Variants in NUP205 observed in about 807,000 individuals in gnomAD.
NUP205 encodes nucleoporin 205, also known as nuclear pore complex protein Nup205.
Under a neutral mutation model 253.8 loss-of-function variants are expected in NUP205, and 76 were observed. The observed-to-expected ratio is 0.30, with a 90% CI of 0.25 to 0.36. NUP205 has a LOEUF of 0.36. NUP205 is among the 10% of genes least tolerant of loss of function. The pLI is 1.00. For missense variants in NUP205, 2,162 were observed against 2,425.5 expected (o/e 0.89, Z 2.28); for synonymous variants, 832 against 850.1 (o/e 0.98, Z 0.37).
Position 135,587,560 on chromosome 7 carries a change from T to A in NUP205, c.1219-15T>A. On this transcript the variant is annotated splice_polypyrimidine_tract_variant and intron_variant, in intron 8 of 42. Transcript: ENST00000285968. ...TACATTTACATATTAAAACTATATC[T>A]AATAAATTTAATAGGTGAAACAGCT... 1.3e-6 allele frequency: 2 copies of A among 1,482,592 alleles called. No homozygotes were observed. Among genetic ancestry groups the A allele is most frequent in the Non-Finnish European group, 1.8e-6 (2 of 1,082,126 alleles). The allele number at this position is 1,482,592 out of a possible 1,614,324, so 91.8% of individuals were successfully genotyped here.
rs147336077 is a variant in NUP205 at position 135,628,062 on chromosome 7, A to G, written c.4883A>G (p.Gln1628Arg). ...CTCCTCCCAGCTCTCCAGCTGTGCCAGGTCATCCTCACATCTAGTATGGCC... is the reference window on the plus strand; with the variant it reads ...CTCCTCCCAGCTCTCCAGCTGTGCCGGGTCATCCTCACATCTAGTATGGCC... ...QILLPALQLC[Q>R]VILTSSMAQH... is the part of the protein sequence containing the mutation. The change falls in exon 34 of 43, where the codon CAG becomes CGG. Residue 1628 changes from glutamine (Q) to arginine (R), a missense_variant. By Grantham distance (43) the Gln-to-Arg change is conservative. Coordinates refer to ENST00000285968, the MANE Select transcript of NUP205 (RefSeq NM_015135.3). 1.2e-3 allele frequency: 1,985 copies of G among 1,610,138 alleles called. 2 individuals carry two copies. Among genetic ancestry groups the G allele is most frequent in the Non-Finnish European group, 1.5e-3 (1,784 of 1,179,282 alleles).
chr7:135,590,617 C>T lies in NUP205; in HGVS notation c.1474-833C>T, dbSNP rs971547606. ...GCGCAATCTTGGCTCACTGCAACCTCTGCCTCCTGGGTTCAATTGATTCTC... is the reference window on the plus strand; with the variant it reads ...GCGCAATCTTGGCTCACTGCAACCTTTGCCTCCTGGGTTCAATTGATTCTC... On this transcript the variant is annotated intron_variant, in intron 10 of 42. Transcript: ENST00000285968. Among the ~76,000 whole-genome samples, 45 of 151,774 alleles carry T rather than the reference C, an allele frequency of 3.0e-4. 1 individual carries two copies. The highest frequency in any genetic ancestry group is 9.7e-4 in the African/African-American group (40 of 41,384).
In NUP205 at chr7:135,577,122, C is replaced by T; in HGVS notation, c.642C>T (p.Arg214=). 2 of 1,609,196 alleles carry T rather than the reference C, an allele frequency of 1.2e-6. No individual in the cohort carries two copies. Among genetic ancestry groups the T allele is most frequent in the Non-Finnish European group, 1.7e-6 (2 of 1,178,378 alleles). ...GAGGTTTGGGCAGTGAAAAACATCGCAAAGAGGCAAGGGTTCAATGAAATC... is the reference window on the plus strand; with the variant it reads ...GAGGTTTGGGCAGTGAAAAACATCGTAAAGAGGCAAGGGTTCAATGAAATC... ...RERGLGSEKH[R]KEVSDLIKEC... is the part of the protein sequence containing the mutation. Residue 214 remains arginine (R), a synonymous_variant, in exon 5 of 43, where the codon CGC becomes CGT. Coordinates refer to ENST00000285968, the MANE Select transcript of NUP205 (RefSeq NM_015135.3).
Position 135,589,262 on chromosome 7 carries a change from T to TG in NUP205, c.1473+1270_1473+1271insG, listed in dbSNP as rs564922455. Reference sequence around the variant, plus strand: ...CTTTTATGCAATGTGTGTGTGTGTGTTTTTTTTTTTCTGGACTCCAGATCA... The same window carrying TG: ...CTTTTATGCAATGTGTGTGTGTGTGTGTTTTTTTTTTCTGGACTCCAGATCA... On this transcript the variant is annotated intron_variant, in intron 10 of 42. Coordinates refer to ENST00000285968, the MANE Select transcript of NUP205 (RefSeq NM_015135.3). Among the ~76,000 whole-genome samples, 133 of 135,078 alleles carry TG rather than the reference T, an allele frequency of 9.8e-4. 8 individuals carry two copies. The South Asian group carries it at 0.026, about 26-fold the overall frequency. 88.6% of individuals were successfully genotyped at this position (135,078 alleles called of 152,430 possible).
In NUP205 at chr7:135,597,351, C is replaced by A; in HGVS notation, c.2014-17C>A. 6.3e-7 allele frequency: 1 copy of A among 1,595,660 alleles called. No individual in the cohort carries two copies. The highest frequency in any genetic ancestry group is 8.6e-7 in the Non-Finnish European group (1 of 1,163,672). On this transcript the variant is annotated splice_polypyrimidine_tract_variant and intron_variant, in intron 13 of 42. Coordinates refer to ENST00000285968, the MANE Select transcript of NUP205 (RefSeq NM_015135.3). Reference sequence around the variant, plus strand: ...GAATGAGGAATGCTCCTGACATCTACTTCTTACTATTTTAAGATACTGCAG... The same window carrying A: ...GAATGAGGAATGCTCCTGACATCTAATTCTTACTATTTTAAGATACTGCAG...
intron 7 of NUP205, among the ~76,000 whole-genome samples, chr7:135,583,844 C>CTTTTT (rs756603941): frequency 7.2e-6 from 1 of 138,960 alleles, no homozygotes; most frequent in Non-Finnish European, 1.6e-5. Context: ...TTCTTTCTTT[C>CTTTTT]TTTTTTTTTT....
chr7:135,642,291 C>T (rs887426425), intron 38 of NUP205, among the ~76,000 whole-genome samples: 6 of 151,244 alleles, frequency 4.0e-5, no homozygotes, highest in African/African-American at 7.3e-5. Context: ...AATGTTTCCA[C>T]GAAATCCCTT....
rs1315965852 is a variant in NUP205, at chr7:135,587,702, A to G, written c.1335+11A>G. On this transcript the variant is annotated intron_variant, in intron 9 of 42. Coordinates refer to ENST00000285968, the MANE Select transcript of NUP205 (RefSeq NM_015135.3). ...CACTTAATGCTTTTGGTAAGCCATTATATTAGAAAGCTTGTCCTCTTTCCC... is the reference window on the plus strand; with the variant it reads ...CACTTAATGCTTTTGGTAAGCCATTGTATTAGAAAGCTTGTCCTCTTTCCC... The G allele has an allele frequency of 6.4e-6, 10 of 1,570,648 alleles. No homozygotes were observed. The highest frequency in any genetic ancestry group is 1.4e-5 in the African/African-American group (1 of 73,188).
Position 135,618,558 on chromosome 7 carries a change from T to A in NUP205, c.3918T>A (p.Asp1306Glu). ...CCCAGGACCTCATTCAGGCAGAGGATCGACAACTGATTATTCGTGATATTT... is the reference window on the plus strand; with the variant it reads ...CCCAGGACCTCATTCAGGCAGAGGAACGACAACTGATTATTCGTGATATTT... ...ACPQDLIQAE[D>E]RQLIIRDILQ... The change falls in exon 28 of 43, where the codon GAT (aspartate) becomes GAA (glutamate). Residue 1306 changes from aspartate to glutamate, a missense_variant. Coordinates refer to ENST00000285968, the MANE Select transcript of NUP205 (RefSeq NM_015135.3). The A allele has an allele frequency of 1.2e-6, 2 of 1,612,094 alleles. No homozygotes were observed. Among genetic ancestry groups the A allele is most frequent in the Non-Finnish European group, 1.7e-6 (2 of 1,179,130 alleles).
chr7:135,558,414 C>T (rs1805492078), intron 1 of NUP205, among the ~76,000 whole-genome samples: 2 of 152,172 alleles, frequency 1.3e-5, no homozygotes, highest in East Asian at 1.9e-4. Context: ...ATCTTGCAGG[C>T]AGCGAATACT....
rs200877063 is a variant in NUP205 at position 135,645,628 on chromosome 7, A to G, written c.5812+32A>G. 54 of 1,599,490 alleles carry G rather than the reference A, an allele frequency of 3.4e-5. No homozygotes were observed. In the East Asian group the frequency reaches 8.5e-4, roughly 25 times the overall value. ...TTTCTGCTAAAAATTAATGAACCAT[A>G]AATACCTATTTGTGCCTTGAAAAGC... is the stretch of plus-strand genomic sequence containing the variant. On this transcript the variant is annotated intron_variant, in intron 41 of 42. Transcript: ENST00000285968.
chr7:135,592,257 A>T (rs952869425), intron 11 of NUP205, among the ~76,000 whole-genome samples: 2 of 152,178 alleles, frequency 1.3e-5, no homozygotes, highest in Admixed American at 1.3e-4. Context: ...GATGCTTGGT[A>T]TGCAATGGAG....
intron 19 of NUP205, among the ~76,000 whole-genome samples, chr7:135,604,943 G>T (rs1337839474): frequency 1.3e-5 from 2 of 151,246 alleles, no homozygotes; most frequent in African/African-American, 4.9e-5. Context: ...AGTTATAATA[G>T]TTCTGTTCAC....
In NUP205 at chr7:135,648,425, G is replaced by A. The variant is rs145569015; in HGVS notation, c.5908G>A (p.Ala1970Thr). The A allele has an allele frequency of 4.2e-4, 666 of 1,592,654 alleles. No homozygotes were observed. The highest frequency in any genetic ancestry group is 3.1e-3 in the African/African-American group (231 of 73,382). ...CTAGCTTCAGGCTGATGCAATCAAC[G>A]CTTTTGGAGAATCACTACAAAAGAA... is the stretch of plus-strand genomic sequence containing the variant. ...LDQLQADAINAFGESLQKKLL... is the reference protein window; with the variant it reads ...LDQLQADAINTFGESLQKKLL... The change falls in exon 43 of 43, where the codon GCT becomes ACT. Residue 1970 changes from alanine (A) to threonine (T), a missense_variant. Around this residue, in one of 5 missense-constraint regions of NUP205, gnomAD observed 1,144 missense variants for 1,280.9 expected, o/e 0.89. Transcript: ENST00000285968.
rs1393574690 is a variant in NUP205 at position 135,619,465 on chromosome 7, G to A, written c.4006G>A (p.Ala1336Thr). Residue 1336 changes from alanine (A) to threonine (T), a missense_variant, in exon 29 of 43, where the codon GCC becomes ACC. Physicochemically the swap from Ala to Thr is moderately conservative, Grantham distance 58. Transcript: ENST00000285968. ...EAAQELMPVVAGAVFTLTAHL... is the reference protein window; with the variant it reads ...EAAQELMPVVTGAVFTLTAHL... ...TGCGCAAGAGTTAATGCCTGTGGTC[G>A]CCGGGGCAGTGTTCACACTGACTGC... 3.7e-6 allele frequency: 6 copies of A among 1,613,248 alleles called. No individual in the cohort carries two copies. The Admixed American group carries it at 5.0e-5, about 13-fold the overall frequency.
intron 6 of NUP205, among the ~76,000 whole-genome samples, chr7:135,578,253 ATATAT>A: frequency 6.6e-6 from 1 of 152,344 alleles, no homozygotes; most frequent in East Asian, 1.9e-4. Flanking sequence ...GTATTAAAGC[ATATAT>A]TATACATGTT....
chr7:135,567,137 T>C (rs1805794285), intron 1 of NUP205, among the ~76,000 whole-genome samples: 6 of 26,778 alleles, frequency 2.2e-4, no homozygotes, highest in South Asian at 1.9e-3. Flanking sequence ...TGTATATATA[T>C]ATATATATAT....
chr7:135,591,760 C>A (rs1806635471), intron 11 of NUP205, among the ~76,000 whole-genome samples, 160 bp downstream of exon 11: 1 of 152,260 alleles, frequency 6.6e-6, no homozygotes, highest in South Asian at 2.1e-4. Flanking sequence ...CAGCTTTATG[C>A]ATAGTGATGC....
At chr7:135,615,319 G>C (rs1481942336) in intron 23 of NUP205, among the ~76,000 whole-genome samples, 2 of 152,120 alleles carry the variant, frequency 1.3e-5, no homozygotes, top group African/African-American at 4.8e-5. Context: ...CCAGTGCTTA[G>C]GTAGGCTGAG....
Sources: gnomAD v4.1 joint callset for allele counts (sites outside exome capture counted in the v4.1 genomes callset) on GRCh38, gnomAD v4.1.1 for gene constraint, gnomAD v4.1.1 regional missense constraint, MANE v1.5 for transcripts, NCBI Gene and HGNC (gene_info 2026-07-23, HGNC 2026-07-21) for gene names.